CAMSAP2: variants seen among roughly 807,000 people sequenced by gnomAD.
CAMSAP2 encodes calmodulin regulated spectrin associated protein family member 2.
In CAMSAP2, 26 loss-of-function variants were observed where a neutral mutation model predicts 146.1. The observed-to-expected ratio is 0.18, with a 90% CI of 0.13 to 0.25. CAMSAP2 has a LOEUF of 0.25. Among genes scored for constraint, CAMSAP2 ranks in the 10% least tolerant of loss-of-function variants. CAMSAP2 has a pLI of 1.00. For synonymous variants in CAMSAP2, 499 were observed against 596.6 expected, an observed-to-expected ratio of 0.84 and a Z score of 2.38; for missense variants, 1,381 against 1,759.3, an observed-to-expected ratio of 0.78 and a Z score of 3.85.
At chr1:200,753,596 A>G (rs548038489) in intron 1 of CAMSAP2, among the ~76,000 whole-genome samples, 3 of 152,280 alleles carry the variant, frequency 2.0e-5, no homozygotes, top group African/African-American at 7.2e-5. Flanking sequence ...AGTAGGAAAA[A>G]AACAAATTAC....
In CAMSAP2 at chr1:200,857,504, C is replaced by A; in HGVS notation, c.4131+80C>A. The A allele has an allele frequency of 1.0e-6, 1 of 964,242 alleles. No individual in the cohort carries two copies. Among genetic ancestry groups the A allele is most frequent in the Non-Finnish European group, 1.6e-6 (1 of 614,152 alleles). 59.7% of individuals were successfully genotyped at this position (964,242 alleles called of 1,614,324 possible). ...ATTCAAGAGAATGTACTCTCATGGGCCTAGACTTTCAACAGCATGTAAAAA... is the reference window on the plus strand; with the variant it reads ...ATTCAAGAGAATGTACTCTCATGGGACTAGACTTTCAACAGCATGTAAAAA... On this transcript the variant is annotated intron_variant, in intron 16 of 16. Coordinates refer to ENST00000358823, the MANE Select transcript of CAMSAP2 (RefSeq NM_203459.4). This position sits in a 1 kb window ranked among gnomAD's most constrained non-coding sequence, Gnocchi z 4.7.
chr1:200,752,914 G>A (rs1169686403), intron 1 of CAMSAP2, among the ~76,000 whole-genome samples: 1 of 151,948 alleles, frequency 6.6e-6, no homozygotes. Flanking sequence ...ACCGTGCCTG[G>A]CCTAGTTGTC....
intron 2 of CAMSAP2, among the ~76,000 whole-genome samples, chr1:200,793,907 G>A (rs549817583): frequency 6.6e-6 from 1 of 152,190 alleles, no homozygotes; most frequent in South Asian, 2.1e-4. Context: ...AGGCTTGGGA[G>A]GAAAGCTGCC....
At chr1:200,749,614 T>C (rs973554376) in intron 1 of CAMSAP2, among the ~76,000 whole-genome samples, 1 of 152,254 alleles carries the variant, frequency 6.6e-6, no homozygotes, top group Non-Finnish European at 1.5e-5. Flanking sequence ...TTATTTAACA[T>C]GTTCTATCAA....
intron 10 of CAMSAP2, 26 bp downstream of exon 10, chr1:200,847,735 G>A (rs769260077): frequency 1.9e-6 from 3 of 1,557,104 alleles, no homozygotes; most frequent in South Asian, 2.3e-5. Flanking sequence ...TACTTTTAGT[G>A]TATTCAGATT....
rs1441006948 is a variant in CAMSAP2, at chr1:200,850,205, C to A, written c.3436C>A (p.Gln1146Lys). 1 of 1,595,174 alleles carries A rather than the reference C, an allele frequency of 6.3e-7. No individual in the cohort carries two copies. Among genetic ancestry groups the A allele is most frequent in the Admixed American group, 1.8e-5 (1 of 54,956 alleles). Residue 1146 changes from glutamine (Q) to lysine (K), a missense_variant, in exon 11 of 17, where the codon CAG becomes AAG. Physicochemically the swap from Gln to Lys is moderately conservative, Grantham distance 53 (BLOSUM62 1). This residue lies in a region of CAMSAP2 where 560 missense variants were observed against 715.9 expected (regional missense o/e 0.78). Transcript: ENST00000358823. ...ESDKEQFDDD[Q>K]KVCCGFFFKD... ...TGATAAAGAACAATTTGATGATGAC[C>A]AGAAAGTATGCTGTGGATTCTTTTT...
intron 7 of CAMSAP2, 132 bp from the exon 8 acceptor site, chr1:200,844,650 C>A: frequency 2.1e-6 from 1 of 471,106 alleles, no homozygotes; most frequent in South Asian, 5.1e-5. Context: ...AAGAAGAAAA[C>A]TTTATGCTAT....
chr1:200,797,720 G>A, intron 2 of CAMSAP2, among the ~76,000 whole-genome samples: 2 of 103,608 alleles, frequency 1.9e-5, no homozygotes, highest in East Asian at 2.7e-4. Flanking sequence ...CATTGCTTTT[G>A]GTGTTTTAGA....
At chr1:200,759,949 G>T (rs115676309) in intron 1 of CAMSAP2, among the ~76,000 whole-genome samples, 307 of 152,326 alleles carry the variant, frequency 2.0e-3, no homozygotes, top group African/African-American at 6.7e-3. Context: ...GTTTGTTTTG[G>T]TAATTTTGCT....
intron 1 of CAMSAP2, 40 bp downstream of exon 1, chr1:200,740,006 T>G: frequency 6.2e-7 from 1 of 1,606,548 alleles, no homozygotes. Flanking sequence ...TTCCTCCTGA[T>G]GTGGTCCACA....
chr1:200,831,520 A>G (rs1237429241), intron 4 of CAMSAP2, among the ~76,000 whole-genome samples: 3 of 152,110 alleles, frequency 2.0e-5, no homozygotes, highest in Admixed American at 6.5e-5. Flanking sequence ...TAAAAATTCT[A>G]TCTAGCCACA....
Position 200,739,877 on chromosome 1 carries a change from C to T in CAMSAP2, c.50C>T (p.Pro17Leu), listed in dbSNP as rs1163109758. Residue 17 changes from proline (P) to leucine (L), a missense_variant, in exon 1 of 17, where the codon CCA becomes CTA. Around this residue, in one of 4 missense-constraint regions of CAMSAP2, gnomAD observed 284 missense variants for 406.9 expected, o/e 0.70. Coordinates refer to ENST00000358823, the MANE Select transcript of CAMSAP2 (RefSeq NM_203459.4). This position sits in a 1 kb window ranked among gnomAD's most constrained non-coding sequence, Gnocchi z 4.8. ...GAGATGAGAAAGACGTTCATTGTTC[C>T]AGCCATCAAGCCTTTTGACCACTAT... ...PREMRKTFIV[P>L]AIKPFDHYDF... 6.2e-7 allele frequency: 1 copy of T among 1,614,142 alleles called. No homozygotes were observed.
chr1:200,829,690 G>T (rs1014743865), intron 4 of CAMSAP2, among the ~76,000 whole-genome samples: 2 of 152,088 alleles, frequency 1.3e-5, no homozygotes, highest in African/African-American at 4.8e-5. Context: ...ACTTTGAGAG[G>T]CCAAGGCAGG....
At chr1:200,742,968 A>G (rs1571705348) in intron 1 of CAMSAP2, among the ~76,000 whole-genome samples, 2 of 152,250 alleles carry the variant, frequency 1.3e-5, no homozygotes, top group Non-Finnish European at 2.9e-5. Flanking sequence ...AGTATTACAA[A>G]TAGCCCAAAT....
In CAMSAP2 at chr1:200,859,887, A is replaced by G. The variant is rs1264837456; in HGVS notation, c.*1828A>G. 6.6e-6 allele frequency: 1 copy of G among 152,374 alleles called. No homozygotes were observed. Among genetic ancestry groups the G allele is most frequent in the African/African-American group, 2.4e-5 (1 of 41,468 alleles). 9.4% of individuals were successfully genotyped at this position (152,374 alleles called of 1,614,324 possible). A position where few individuals can be genotyped will look rare whatever the true frequency, so the allele number is the denominator to read the frequency against. Reference sequence around the variant, plus strand: ...CTAATCAAAATGTGAATAGTAGTCAAAAGGATAATTTAATAAGCATTTTAC... The same window carrying G: ...CTAATCAAAATGTGAATAGTAGTCAGAAGGATAATTTAATAAGCATTTTAC... On this transcript the variant is annotated 3_prime_UTR_variant, in exon 17 of 17. Transcript: ENST00000358823.
chr1:200,821,498 A>T (rs578084844), intron 4 of CAMSAP2, among the ~76,000 whole-genome samples: 2 of 148,926 alleles, frequency 1.3e-5, no homozygotes, highest in Non-Finnish European at 3.0e-5. Flanking sequence ...GTCAATGCTA[A>T]TTCATTTCTT....
At chr1:200,843,847 TTTG>T (rs1245174706) in intron 7 of CAMSAP2, among the ~76,000 whole-genome samples, 1 of 151,830 alleles carries the variant, frequency 6.6e-6, no homozygotes, top group Non-Finnish European at 1.5e-5. Flanking sequence ...TTGTTTTTTT[TTTG>T]TTTGTTTGTT....
chr1:200,850,295 TA>T (rs1667583334), intron 11 of CAMSAP2, 61 bp downstream of exon 11: 3 of 1,434,806 alleles, frequency 2.1e-6, no homozygotes, highest in African/African-American at 1.4e-5. Context: ...TTGTGTTGGA[TA>T]TTTTTTTTTT....
At chr1:200,809,551 C>T (rs1013922669) in intron 3 of CAMSAP2, among the ~76,000 whole-genome samples, 1 of 151,970 alleles carries the variant, frequency 6.6e-6, no homozygotes, top group Non-Finnish European at 1.5e-5. Flanking sequence ...GCCAACATGG[C>T]GAAACTCCGT....
Sources: allele counts gnomAD v4.1 joint callset (sites outside exome capture counted in the v4.1 genomes callset), GRCh38; gene constraint gnomAD v4.1.1; regional missense constraint gnomAD v4.1.1; non-coding constraint Gnocchi (gnomAD v3.1); transcripts MANE v1.5; gene names NCBI Gene and HGNC (gene_info 2026-07-23, HGNC 2026-07-21).